Variants in HECW2 observed in about 807,000 individuals in gnomAD.
The protein encoded by HECW2 is E3 ubiquitin-protein ligase HECW2.
In HECW2, 61 loss-of-function variants were observed where a neutral mutation model predicts 175.2. The ratio of observed to expected loss-of-function variants is 0.35; its 90% confidence interval spans 0.28 to 0.43. The LOEUF (loss-of-function observed/expected upper bound fraction) is 0.43, where lower values mean the gene tolerates loss of function less well. Ranked by LOEUF, HECW2 falls within the 20% of genes least tolerant of loss-of-function variation. The pLI is 1.00. For missense variants in HECW2, 1,524 were observed against 2,000.5 expected (o/e 0.76, Z 4.54); for synonymous variants, 671 against 731.0 (o/e 0.92, Z 1.32).
intron 1 of HECW2, among the ~76,000 whole-genome samples, chr2:196,575,487 A>G (rs1449078322): frequency 1.3e-5 from 2 of 152,178 alleles, no homozygotes; most frequent in Non-Finnish European, 2.9e-5. Context: ...ATTATTCATA[A>G]TATCCAAGGT....
intron 2 of HECW2, among the ~76,000 whole-genome samples, chr2:196,398,834 C>T (rs1694741525): frequency 6.6e-6 from 1 of 152,060 alleles, no homozygotes; most frequent in South Asian, 2.1e-4. Context: ...CTGAGCTAAG[C>T]ATGGTGGTGC....
chr2:196,480,854 G>T (rs936102261), intron 1 of HECW2, among the ~76,000 whole-genome samples: 4 of 152,128 alleles, frequency 2.6e-5, no homozygotes, highest in African/African-American at 9.7e-5. Context: ...GTTTCCCTCT[G>T]TGCATAGCTC....
At chr2:196,216,531 A>G (rs542118873) in intron 27 of HECW2, among the ~76,000 whole-genome samples, 4 of 50,638 alleles carry the variant, frequency 7.9e-5, no homozygotes, top group Admixed American at 6.9e-4. Context: ...CACCACACGC[A>G]AAAAAAAAAA....
intron 1 of HECW2, among the ~76,000 whole-genome samples, chr2:196,564,418 A>G (rs1040750910): frequency 1.3e-5 from 2 of 152,220 alleles, no homozygotes; most frequent in Admixed American, 6.5e-5. Flanking sequence ...AATAACCACA[A>G]AAACAATAAT....
intron 1 of HECW2, among the ~76,000 whole-genome samples, chr2:196,469,412 C>G (rs1374287462): frequency 6.6e-6 from 1 of 152,058 alleles, no homozygotes; most frequent in African/African-American, 2.4e-5. Flanking sequence ...GGAAATGCAA[C>G]TGGGGAGGAA....
At chr2:196,531,633 G>A (rs1409749778) in intron 1 of HECW2, among the ~76,000 whole-genome samples, 4 of 147,718 alleles carry the variant, frequency 2.7e-5, no homozygotes, top group Non-Finnish European at 5.9e-5. Context: ...CTGCAGTCCA[G>A]CCCAGGCAAC....
intron 13 of HECW2, among the ~76,000 whole-genome samples, chr2:196,304,268 G>C (rs79303690): frequency 0.07 from 10,656 of 152,156 alleles, 431 homozygotes; most frequent in East Asian, 0.13. Flanking sequence ...CGGCTTCTGG[G>C]CATTTTATGA....
At chr2:196,445,083 AT>A (rs1031656485) in intron 1 of HECW2, among the ~76,000 whole-genome samples, 1 of 152,066 alleles carries the variant, frequency 6.6e-6, no homozygotes, top group Non-Finnish European at 1.5e-5. Context: ...CTATATGTCA[AT>A]TCCAGTTGTC....
chr2:196,359,540 C>A (rs1575459256), intron 2 of HECW2, among the ~76,000 whole-genome samples: 1 of 152,164 alleles, frequency 6.6e-6, no homozygotes, highest in African/African-American at 2.4e-5. Flanking sequence ...TGAAGTTTAG[C>A]AAATTCTAGA....
chr2:196,396,818 T>TAAA (rs35617246), intron 2 of HECW2, among the ~76,000 whole-genome samples: 1 of 21,544 alleles, frequency 4.6e-5, no homozygotes, highest in Non-Finnish European at 1.7e-4. Context: ...ATATTCCAAT[T>TAAA]AAAAAAAAAA....
intron 22 of HECW2, 116 bp downstream of exon 22, chr2:196,227,986 G>GA: frequency 1.1e-6 from 1 of 952,330 alleles, no homozygotes; most frequent in Non-Finnish European, 1.5e-6. Flanking sequence ...GTATTTAACT[G>GA]AAAATATGAC....
intron 1 of HECW2, among the ~76,000 whole-genome samples, chr2:196,490,201 A>G (rs1462262390): frequency 1.3e-5 from 2 of 152,152 alleles, no homozygotes; most frequent in African/African-American, 4.8e-5. Context: ...ATTTAACTAC[A>G]CTTGATAAGC....
chr2:196,490,447 G>A (rs1687147304), intron 1 of HECW2, among the ~76,000 whole-genome samples: 1 of 152,144 alleles, frequency 6.6e-6, no homozygotes, highest in African/African-American at 2.4e-5. Flanking sequence ...AGACTTCAAA[G>A]ACTCTAAAAA....
chr2:196,295,432 A>G (rs1690774134), intron 13 of HECW2, among the ~76,000 whole-genome samples: 1 of 152,216 alleles, frequency 6.6e-6, no homozygotes, highest in Non-Finnish European at 1.5e-5. Context: ...AAGTCATTGC[A>G]AGTTAGAGTC....
chr2:196,388,020 G>C (rs1694399021), intron 2 of HECW2, among the ~76,000 whole-genome samples: 1 of 152,124 alleles, frequency 6.6e-6, no homozygotes, highest in Non-Finnish European at 1.5e-5. Flanking sequence ...GCCAGAAACA[G>C]TGTCTCACAC....
intron 1 of HECW2, among the ~76,000 whole-genome samples, chr2:196,537,337 C>T (rs1054357739): frequency 1.3e-5 from 2 of 152,036 alleles, no homozygotes; most frequent in South Asian, 2.1e-4. Context: ...GAAAGCCTCA[C>T]GATGGAAGCC....
At position 196,307,261 on chromosome 2, in the gene HECW2, C is replaced by G. The variant is rs752000734; in HGVS notation, c.2586-28G>C. 1.3e-5 allele frequency: 19 copies of G among 1,496,790 alleles called. No homozygotes were observed. In the South Asian group the frequency reaches 2.1e-4, roughly 17 times the overall value. 92.7% of individuals were successfully genotyped at this position (1,496,790 alleles called of 1,614,324 possible). A position where few individuals can be genotyped will look rare whatever the true frequency, so the allele number is the denominator to read the frequency against. On this transcript the variant is annotated intron_variant, in intron 11 of 28. Transcript: ENST00000644978. ...AAAATCATGAGCCTAGAGTTACATT[C>G]CAGCAGCATTTAAGAGATGGGACTC...
In HECW2 at chr2:196,527,220, G is replaced by A. The variant is rs141301349; in HGVS notation, c.-36+66288C>T. The stretch of plus-strand genomic sequence containing the variant: ...AGCTGGTCTGAAAAGCGCAATATTC[G>A]GGTGGGAGTGACCCAATTTTCCAGG... On this transcript the variant is annotated intron_variant, in intron 1 of 28. Coordinates refer to ENST00000644978, the MANE Select transcript of HECW2 (RefSeq NM_001348768.2). Among the ~76,000 whole-genome samples the A allele has an allele frequency of 5.4e-3, 829 of 152,298 alleles. 7 individuals are homozygous for A. Among genetic ancestry groups the A allele is most frequent in the African/African-American group, 0.018 (762 of 41,562 alleles).
chr2:196,457,181 C>T (rs1416873227), intron 1 of HECW2, among the ~76,000 whole-genome samples: 1 of 152,220 alleles, frequency 6.6e-6, no homozygotes, highest in East Asian at 1.9e-4. Flanking sequence ...TATGTCTCTG[C>T]TCTGATGTCA....
Sources: gnomAD v4.1 joint callset for allele counts (sites outside exome capture counted in the v4.1 genomes callset) on GRCh38, gnomAD v4.1.1 for gene constraint, MANE v1.5 for transcripts, NCBI Gene and HGNC (gene_info 2026-07-23, HGNC 2026-07-21) for gene names.